The following GSK3B variants were observed in gnomAD, a reference collection of about 807,000 sequenced individuals.
GSK3B encodes the protein glycogen synthase kinase 3 beta.
A neutral mutation model predicts 56.4 loss-of-function variants in GSK3B; 15 were observed. The observed-to-expected ratio is 0.27, with a 90% CI of 0.18 to 0.41. The LOEUF (loss-of-function observed/expected upper bound fraction) is 0.41. GSK3B is among the 10% of genes least tolerant of loss of function. The pLI is 1.00. For synonymous variants in GSK3B, 181 were observed against 188.9 expected (o/e 0.96, Z 0.34); for missense variants, 300 against 513.4 (o/e 0.58, Z 4.02).
chr3:119,945,717 G>A (rs1011186079), intron 3 of GSK3B, among the ~76,000 whole-genome samples: 1 of 152,200 alleles, frequency 6.6e-6, no homozygotes, highest in African/African-American at 2.4e-5. Flanking sequence ...TATAAGGAAT[G>A]CTATATACAT....
chr3:119,963,961 AT>A (rs2057297214), intron 2 of GSK3B, among the ~76,000 whole-genome samples: 1 of 152,196 alleles, frequency 6.6e-6, no homozygotes, highest in South Asian at 2.1e-4. Context: ...GTTCTTGTCA[AT>A]AATTTCTTGG....
chr3:119,831,009 C>T (rs1384396418), intron 10 of GSK3B, among the ~76,000 whole-genome samples: 1 of 152,166 alleles, frequency 6.6e-6, no homozygotes, highest in Non-Finnish European at 1.5e-5. Context: ...TGACAGCATA[C>T]TGCTTACCAA....
chr3:119,925,476 C>T (rs758885995), intron 3 of GSK3B, among the ~76,000 whole-genome samples: 2 of 152,166 alleles, frequency 1.3e-5, no homozygotes, highest in Admixed American at 6.5e-5. Flanking sequence ...TCACTACAAG[C>T]ACTAACCTAC....
intron 3 of GSK3B, among the ~76,000 whole-genome samples, chr3:119,933,392 T>C (rs1425526652): frequency 3.9e-5 from 6 of 152,158 alleles, no homozygotes; most frequent in Non-Finnish European, 7.3e-5. Context: ...CCCCCCCAAA[T>C]AGACTCAGCA....
chr3:119,884,841 C>T (rs1287672095), intron 7 of GSK3B, among the ~76,000 whole-genome samples: 1 of 151,742 alleles, frequency 6.6e-6, no homozygotes, highest in Non-Finnish European at 1.5e-5. Flanking sequence ...TAAAATCTAC[C>T]CCTATCATGG....
intron 9 of GSK3B, among the ~76,000 whole-genome samples, chr3:119,852,845 T>G (rs189670392): frequency 2.2e-3 from 340 of 152,302 alleles, no homozygotes; most frequent in Non-Finnish European, 2.5e-3. Flanking sequence ...ATGGGTAGAT[T>G]GCAAAAATTT....
At chr3:120,046,936 A>T (rs2058108879) in intron 1 of GSK3B, among the ~76,000 whole-genome samples, 1 of 152,170 alleles carries the variant, frequency 6.6e-6, no homozygotes, top group South Asian at 2.1e-4. Flanking sequence ...AGACTAGACC[A>T]TCACATTACT....
rs1211707024 is a variant in GSK3B, at chr3:119,824,305, GAGAA to G, written c.*2479_*2482del. The stretch of plus-strand genomic sequence containing the variant: ...GTTCTGTGATCCCACCATGATCCTT[GAGAA>G]AGAAAAATCACACATCTCAGCACAC... On this transcript the variant is annotated 3_prime_UTR_variant, in exon 11 of 11. Coordinates refer to ENST00000264235, the MANE Select transcript of GSK3B (RefSeq NM_001146156.2). 1.3e-5 allele frequency: 3 copies of G among 222,682 alleles called. No individual in the cohort carries two copies. The highest frequency in any genetic ancestry group is 6.4e-5 in the East Asian group (1 of 15,642). 13.8% of individuals were successfully genotyped at this position (222,682 alleles called of 1,614,324 possible).
At position 119,863,753 on chromosome 3, in the gene GSK3B, C is replaced by T. The variant is rs995269769; in HGVS notation, c.910-148G>A. ...CTTCTAGAATGGAAAGAGTTAAATG[C>T]ATATGATTCACAGGGGTGAATTGCT... On this transcript the variant is annotated intron_variant, in intron 8 of 10. Coordinates refer to ENST00000264235, the MANE Select transcript of GSK3B (RefSeq NM_001146156.2). The T allele has an allele frequency of 1.7e-5, 10 of 577,186 alleles. No homozygotes were observed. In the African/African-American group the frequency reaches 1.9e-4, roughly 11 times the overall value. The allele number at this position is 577,186 out of a possible 1,614,324, so 35.8% of individuals were successfully genotyped here.
intron 4 of GSK3B, among the ~76,000 whole-genome samples, chr3:119,917,391 T>C (rs940851319): frequency 1.3e-5 from 2 of 152,164 alleles, no homozygotes; most frequent in Admixed American, 6.5e-5. Context: ...TTTTATAAGG[T>C]CAGCATTTTG....
intron 7 of GSK3B, among the ~76,000 whole-genome samples, chr3:119,899,284 T>G (rs2056602793): frequency 6.6e-6 from 1 of 152,136 alleles, no homozygotes. Flanking sequence ...ATTACTAAAA[T>G]TTTCCACTTA....
intron 7 of GSK3B, among the ~76,000 whole-genome samples, chr3:119,905,477 A>G (rs567224450): frequency 6.6e-6 from 1 of 152,068 alleles, no homozygotes; most frequent in Non-Finnish European, 1.5e-5. Flanking sequence ...TTATAGTCTA[A>G]TTTTGCTTTT....
chr3:119,876,952 A>G (rs1248786711), intron 7 of GSK3B, among the ~76,000 whole-genome samples: 4 of 152,198 alleles, frequency 2.6e-5, no homozygotes, highest in Non-Finnish European at 4.4e-5. Context: ...AGAACAGTGA[A>G]CCAAGTAAAT....
chr3:119,988,874 C>A (rs948863101), intron 2 of GSK3B, among the ~76,000 whole-genome samples: 1 of 152,144 alleles, frequency 6.6e-6, no homozygotes, highest in Admixed American at 6.5e-5. Context: ...TAAAGCAAAC[C>A]ATTCCTACCA....
intron 10 of GSK3B, among the ~76,000 whole-genome samples, chr3:119,841,166 T>C (rs1030874572): frequency 2.5e-4 from 38 of 152,222 alleles, no homozygotes; most frequent in African/African-American, 8.7e-4. Flanking sequence ...TCTATTTTTA[T>C]GTTGAAATCT....
At chr3:119,950,227 A>G (rs747155904) in intron 2 of GSK3B, among the ~76,000 whole-genome samples, 2 of 152,252 alleles carry the variant, frequency 1.3e-5, no homozygotes, top group African/African-American at 2.4e-5. Context: ...TGAAGCAAGT[A>G]TAAGGACCTA....
At chr3:119,842,973 T>C (rs1017708682) in intron 10 of GSK3B, among the ~76,000 whole-genome samples, 4 of 152,072 alleles carry the variant, frequency 2.6e-5, no homozygotes, top group Non-Finnish European at 5.9e-5. Context: ...TGGAGTGCAG[T>C]GGCGCAATCT....
intron 2 of GSK3B, among the ~76,000 whole-genome samples, chr3:119,961,213 C>T (rs1459281536): frequency 2.0e-5 from 3 of 152,160 alleles, no homozygotes; most frequent in African/African-American, 4.8e-5. Flanking sequence ...TGATCAAGAG[C>T]CCTATCCTCA....
intron 3 of GSK3B, among the ~76,000 whole-genome samples, chr3:119,943,412 T>C (rs1461972520): frequency 3.9e-5 from 6 of 152,168 alleles, no homozygotes; most frequent in Admixed American, 3.3e-4. Flanking sequence ...ATACATATTA[T>C]GAGGCAAGAG....
Sources: gnomAD v4.1 joint callset for allele counts (sites outside exome capture counted in the v4.1 genomes callset) on GRCh38, gnomAD v4.1.1 for gene constraint, MANE v1.5 for transcripts, NCBI Gene and HGNC (gene_info 2026-07-23, HGNC 2026-07-21) for gene names.